The following ZNF536 variants were observed in gnomAD, a reference collection of about 807,000 sequenced individuals.
ZNF536 encodes the protein zinc finger protein 536.
A neutral mutation model predicts 84.5 loss-of-function variants in ZNF536; 13 were observed. That is an observed-to-expected ratio of 0.15 (90% confidence interval 0.10 to 0.24). The LOEUF (loss-of-function observed/expected upper bound fraction) is 0.24, where lower values mean the gene tolerates loss of function less well. ZNF536 is among the 10% of genes least tolerant of loss of function. ZNF536 has a pLI of 1.00. For missense variants in ZNF536, 1,536 were observed against 1,747.5 expected (o/e 0.88, Z 2.16); for synonymous variants, 811 against 742.5 (o/e 1.09, Z -1.50).
At chr19:30,323,859 CTCTGCTCA>C (rs1218644782) in intron 2 of ZNF536, among the ~76,000 whole-genome samples, 1 of 152,188 alleles carries the variant, frequency 6.6e-6, no homozygotes, top group Non-Finnish European at 1.5e-5. Flanking sequence ...TGTCCTGCTC[CTCTGCTCA>C]ACCACTCCTG....
intron 3 of ZNF536, among the ~76,000 whole-genome samples, chr19:30,353,511 A>G (rs914261749): frequency 2.0e-5 from 3 of 152,068 alleles, no homozygotes; most frequent in African/African-American, 7.3e-5. Flanking sequence ...GGTCGCTTCC[A>G]TCAGTGGATG....
chr19:30,548,859 C>G lies in ZNF536; in HGVS notation c.3240C>G (p.Ala1080=), dbSNP rs747100546. ...SSLDSASEKM[A]QGQLKETLGE... ...TAGACTCTGCTTCTGAGAAGATGGC[C>G]CAAGGTCAGCTCAAGGAGACTCTGG... Residue 1080 remains alanine, a synonymous_variant, in exon 4 of 5, where the codon GCC becomes GCG. Transcript: ENST00000355537. 6.2e-7 allele frequency: 1 copy of G among 1,614,112 alleles called. No homozygotes were observed. The highest frequency in any genetic ancestry group is 1.7e-5 in the Admixed American group (1 of 60,026).
At chr19:30,591,035 C>T (rs1205732672) in intron 1 of ZNF536, among the ~76,000 whole-genome samples, 1 of 152,152 alleles carries the variant, frequency 6.6e-6, no homozygotes, top group Non-Finnish European at 1.5e-5. Flanking sequence ...GCACAGCTGG[C>T]CTGCTTCCCA....
At chr19:30,523,354 A>G (rs2044444755) in intron 2 of ZNF536, among the ~76,000 whole-genome samples, 1 of 152,132 alleles carries the variant, frequency 6.6e-6, no homozygotes, top group Non-Finnish European at 1.5e-5. Flanking sequence ...AGACTCTACA[A>G]TCCTTTGAGA....
At chr19:30,310,249 A>T (rs1022371158) in intron 2 of ZNF536, among the ~76,000 whole-genome samples, 1 of 152,234 alleles carries the variant, frequency 6.6e-6, no homozygotes, top group African/African-American at 2.4e-5. Flanking sequence ...GTTTCATTAT[A>T]AAGTTTCTTT....
intron 3 of ZNF536, among the ~76,000 whole-genome samples, chr19:30,545,195 G>T (rs1353212940): frequency 1.3e-5 from 2 of 152,076 alleles, no homozygotes; most frequent in African/African-American, 2.4e-5. Flanking sequence ...TTCCAGGATG[G>T]TTTTTCAAGG....
intron 1 of ZNF536, among the ~76,000 whole-genome samples, chr19:30,594,030 C>T (rs1049685057): frequency 4.6e-5 from 7 of 152,184 alleles, no homozygotes; most frequent in African/African-American, 7.2e-5. Context: ...CTCTATGCCA[C>T]GTGGAATGTC....
At chr19:30,475,276 T>C (rs1490648661) in intron 2 of ZNF536, among the ~76,000 whole-genome samples, 1 of 152,050 alleles carries the variant, frequency 6.6e-6, no homozygotes, top group Non-Finnish European at 1.5e-5. Context: ...GAGACAGGGT[T>C]TGACTCAGAT....
chr19:30,678,455 G>A (rs1395658128), intron 1 of ZNF536, among the ~76,000 whole-genome samples: 1 of 152,156 alleles, frequency 6.6e-6, no homozygotes, highest in African/African-American at 2.4e-5. Flanking sequence ...ACAAGCTCTG[G>A]CTTCCCTCCC....
rs146735404 is a variant in ZNF536, at chr19:30,252,829, T to G, written c.-190+24156T>G. On this transcript the variant is annotated intron_variant, in intron 1 of 5. Transcript: ENST00000585628. Reference sequence around the variant, plus strand: ...AGCATTTTTTGTACCTATGTAGGAATGGCAGAAGGGACGGATTCCCCACTG... The same window carrying G: ...AGCATTTTTTGTACCTATGTAGGAAGGGCAGAAGGGACGGATTCCCCACTG... Among the ~76,000 whole-genome samples, 144 of 152,366 alleles carry G rather than the reference T, an allele frequency of 9.5e-4. 2 individuals carry two copies. The East Asian group carries it at 0.025, about 26-fold the overall frequency.
intron 1 of ZNF536, among the ~76,000 whole-genome samples, chr19:30,632,617 A>G (rs2048926646): frequency 1.4e-5 from 2 of 144,454 alleles, no homozygotes; most frequent in Admixed American, 1.4e-4. Flanking sequence ...AAACCAACCA[A>G]TCAACCAACC....
intron 3 of ZNF536, among the ~76,000 whole-genome samples, chr19:30,535,592 T>C (rs1289593423): frequency 6.6e-6 from 1 of 152,256 alleles, no homozygotes; most frequent in South Asian, 2.1e-4. Context: ...AAGTGGCTGC[T>C]GCACCCCTCT....
intron 2 of ZNF536, among the ~76,000 whole-genome samples, chr19:30,494,441 T>C (rs2054633593): frequency 6.6e-6 from 1 of 152,198 alleles, no homozygotes; most frequent in Non-Finnish European, 1.5e-5. Context: ...CTGGGATGAA[T>C]CTGCTGTCTG....
chr19:30,378,735 A>G (rs1360242003), intron 1 of ZNF536, among the ~76,000 whole-genome samples: 1 of 152,240 alleles, frequency 6.6e-6, no homozygotes, highest in Non-Finnish European at 1.5e-5. Flanking sequence ...TGGGACAGGA[A>G]CAAAAACTGG....
At chr19:30,640,078 A>C (rs559214733) in intron 1 of ZNF536, among the ~76,000 whole-genome samples, 159 of 152,190 alleles carry the variant, frequency 1.0e-3, no homozygotes, top group African/African-American at 3.8e-3. Flanking sequence ...AACCTCCATC[A>C]CTACCAAAAA....
At position 30,617,848 on chromosome 19, in the gene ZNF536, A is replaced by G. The variant is rs1383806274; in HGVS notation, c.169+68334A>G. Among the ~76,000 whole-genome samples, 6 of 152,294 alleles carry G rather than the reference A, an allele frequency of 3.9e-5. No homozygotes were observed. The East Asian group carries it at 1.2e-3, about 29-fold the overall frequency. ...ATTTTAAGAATTAATATCTAAATCC[A>G]TATACATCCTACACAGAGACTGTTG... On this transcript the variant is annotated intron_variant, in intron 1 of 1. Transcript: ENST00000592773.
chr19:30,478,754 C>T (rs2053954386), intron 2 of ZNF536, among the ~76,000 whole-genome samples: 1 of 152,152 alleles, frequency 6.6e-6, no homozygotes, highest in African/African-American at 2.4e-5. Flanking sequence ...ACTGGATTCT[C>T]CCAAGGCCAA....
At chr19:30,683,600 C>T (rs990060800) in intron 1 of ZNF536, among the ~76,000 whole-genome samples, 10 of 152,130 alleles carry the variant, frequency 6.6e-5, no homozygotes, top group East Asian at 1.9e-4. Context: ...CTGCCTTCTA[C>T]GCTGTCAAGG....
chr19:30,523,373 C>T (rs774902926), intron 2 of ZNF536, among the ~76,000 whole-genome samples: 1 of 152,196 alleles, frequency 6.6e-6, no homozygotes, highest in Non-Finnish European at 1.5e-5. Flanking sequence ...GACATGAATT[C>T]TTGTGACTAT....
Sources: gnomAD v4.1 joint callset for allele counts (sites outside exome capture counted in the v4.1 genomes callset) on GRCh38, gnomAD v4.1.1 for gene constraint, MANE v1.5 for transcripts, NCBI Gene and HGNC (gene_info 2026-07-23, HGNC 2026-07-21) for gene names.